Variants in TRMT6 observed in about 807,000 individuals in gnomAD.
TRMT6 encodes the protein tRNA methyltransferase 6 non-catalytic subunit, also known as tRNA (adenine(58)-N(1))-methyltransferase non-catalytic subunit TRM6.
A neutral mutation model predicts 59.0 loss-of-function variants in TRMT6; 34 were observed. The ratio of observed to expected loss-of-function variants is 0.58; its 90% CI spans 0.44 to 0.77. The LOEUF (loss-of-function observed/expected upper bound fraction) is 0.77, where lower values mean the gene tolerates loss of function less well. TRMT6 is among the 30% of genes least tolerant of loss of function. The pLI is 0.00. For missense variants in TRMT6, 575 were observed against 604.5 expected, an observed-to-expected ratio of 0.95 and a Z score of 0.51; for synonymous variants, 217 against 210.5, an observed-to-expected ratio of 1.03 and a Z score of -0.27.
At chr20:5,940,349 A>C (rs2088645401) in intron 10 of TRMT6, among the ~76,000 whole-genome samples, 1 of 152,182 alleles carries the variant, frequency 6.6e-6, no homozygotes, top group Admixed American at 6.5e-5. Context: ...TTGCTGCAAA[A>C]ACATCCTGGC....
chr20:5,948,684 A>C lies in TRMT6; in HGVS notation c.128+1594T>G, dbSNP rs544217588. On this transcript the variant is annotated intron_variant, in intron 1 of 10. Transcript: ENST00000203001. ...AGTGAAACTCTGTCTCTGCAAAAAA[A>C]ATTAATTAGTTTAAAAAAGAAAAAA... 7.2e-5 allele frequency among the ~76,000 whole-genome samples: 11 copies of C among 152,298 alleles called. No individual in the cohort carries two copies. In the South Asian group the frequency reaches 2.1e-3, roughly 29 times the overall value.
rs367964134 is a variant in TRMT6, at chr20:5,938,415, C to T, written c.*120G>A. On this transcript the variant is annotated 3_prime_UTR_variant, in exon 11 of 11. Transcript: ENST00000203001. ...GGCATATACTCCTCCTTCCTAGAAA[C>T]GGGTACATAGACATGTTCTTATTCT... 53 of 1,060,320 alleles carry T rather than the reference C, an allele frequency of 5.0e-5. No homozygotes were observed. Among genetic ancestry groups the T allele is most frequent in the African/African-American group, 9.5e-5 (6 of 62,948 alleles). The allele number at this position is 1,060,320 out of a possible 1,614,324, so 65.7% of individuals were successfully genotyped here. A position where few individuals can be genotyped will look rare whatever the true frequency, so the allele number is the denominator to read the frequency against.
At chr20:5,944,980 G>A (rs1568559646) in intron 2 of TRMT6, 66 bp from the exon 3 acceptor site, 1 of 1,295,858 alleles carries the variant, frequency 7.7e-7, no homozygotes, top group East Asian at 2.3e-5. Context: ...CTTTTTCTGA[G>A]TTCATATCCA....
chr20:5,944,968 TTC>T (rs1006375111), intron 2 of TRMT6, 54 bp from the exon 3 acceptor site: 1 of 1,437,810 alleles, frequency 7.0e-7, no homozygotes, highest in Non-Finnish European at 9.8e-7. Context: ...ATTTGACACT[TTC>T]TTTTTCTGAG....
chr20:5,938,589 G>A lies in TRMT6; in HGVS notation c.1440C>T (p.His480=), dbSNP rs201035404. 9.7e-5 allele frequency: 156 copies of A among 1,614,186 alleles called. 1 individual carries two copies. The highest frequency in any genetic ancestry group is 3.8e-4 in the South Asian group (35 of 91,088). Residue 480 remains histidine, a synonymous_variant, in exon 11 of 11, where the codon CAC becomes CAT. Coordinates refer to ENST00000203001, the MANE Select transcript of TRMT6 (RefSeq NM_015939.5). The part of the protein sequence containing the change: ...LKSNASTLES[H]ETEEPAAKKR... ...TTTTAGCTGCAGGCTCCTCAGTCTCGTGTGATTCTAAAGTGCTTGCATTAG... is the reference window on the plus strand; with the variant it reads ...TTTTAGCTGCAGGCTCCTCAGTCTCATGTGATTCTAAAGTGCTTGCATTAG...
intron 8 of TRMT6, 52 bp downstream of exon 8, chr20:5,941,899 A>C: frequency 6.9e-7 from 1 of 1,440,482 alleles, no homozygotes; most frequent in Non-Finnish European, 9.7e-7. Flanking sequence ...AATCTGTCTG[A>C]AGCAGAGCCC....
At chr20:5,945,276 G>T (rs1235965062) in intron 2 of TRMT6, among the ~76,000 whole-genome samples, 2 of 152,206 alleles carry the variant, frequency 1.3e-5, no homozygotes, top group East Asian at 3.8e-4. Flanking sequence ...TTCCTGGCCT[G>T]ATCTCTTGAC....
chr20:5,947,492 C>A (rs2088718117), intron 1 of TRMT6, among the ~76,000 whole-genome samples: 1 of 152,236 alleles, frequency 6.6e-6, no homozygotes, highest in African/African-American at 2.4e-5. Context: ...CTGGGTGTGT[C>A]ACCTTTATTG....
chr20:5,942,068 TGG>T, intron 7 of TRMT6, 32 bp from the exon 8 acceptor site: 1 of 1,568,950 alleles, frequency 6.4e-7, no homozygotes, highest in Non-Finnish European at 8.7e-7. Flanking sequence ...ATCAATGTAC[TGG>T]GGTCTTTCAG....
At chr20:5,941,922 G>T in intron 8 of TRMT6, 29 bp downstream of exon 8, 2 of 1,583,890 alleles carry the variant, frequency 1.3e-6, no homozygotes, top group Non-Finnish European at 1.7e-6. Flanking sequence ...ATGCACTGAG[G>T]AGTCTCCTGC....
chr20:5,946,870 T>A (rs915604201), intron 1 of TRMT6, among the ~76,000 whole-genome samples: 1 of 152,186 alleles, frequency 6.6e-6, no homozygotes, highest in Non-Finnish European at 1.5e-5. Flanking sequence ...ACACTGACAA[T>A]CTACACACTT....
rs1175406501 is a variant in TRMT6 at position 5,937,355 on chromosome 20, A to G, written c.*1180T>C. 6.6e-6 allele frequency: 1 copy of G among 152,232 alleles called. No homozygotes were observed. Among genetic ancestry groups the G allele is most frequent in the Non-Finnish European group, 1.5e-5 (1 of 68,048 alleles). 9.4% of individuals were successfully genotyped at this position (152,232 alleles called of 1,614,324 possible). On this transcript the variant is annotated 3_prime_UTR_variant, in exon 11 of 11. Transcript: ENST00000203001. ...TTTTTTCTGAGATGTTCCTTGCTGT[A>G]TGATACAGGCCTATTCTATGACAGG...
intron 10 of TRMT6, among the ~76,000 whole-genome samples, chr20:5,940,065 A>G (rs1470486043): frequency 6.6e-6 from 1 of 152,200 alleles, no homozygotes; most frequent in Non-Finnish European, 1.5e-5. Flanking sequence ...TCTGCTTAAC[A>G]CAGGGCTCCT....
intron 8 of TRMT6, 141 bp from the exon 9 acceptor site, chr20:5,941,486 C>T (rs2088655634): frequency 3.0e-6 from 2 of 667,820 alleles, no homozygotes; most frequent in Non-Finnish European, 5.1e-6. Context: ...TCTAGAAATC[C>T]AAAACAGAAT....
intron 7 of TRMT6, 38 bp downstream of exon 7, chr20:5,942,390 G>C (rs1277853470): frequency 3.2e-6 from 5 of 1,559,192 alleles, no homozygotes; most frequent in Non-Finnish European, 4.4e-6. Flanking sequence ...CTGAGGGACT[G>C]AGATTATGGG....
At position 5,942,697 on chromosome 20, in the gene TRMT6, C is replaced by A; in HGVS notation, c.757G>T (p.Gly253Cys). 1.2e-6 allele frequency: 2 copies of A among 1,614,056 alleles called. No individual in the cohort carries two copies. Among genetic ancestry groups the A allele is most frequent in the African/African-American group, 2.7e-5 (2 of 74,994 alleles). ...TTGTTGAGAGGGAATTCATAAAGAC[C>A]ACTGAGAAAAGATTTGGGAAATCCA... Reference protein sequence around the residue: ...CFGFPKSFLSGLYEFPLNKVD... With the variant: ...CFGFPKSFLSCLYEFPLNKVD... The change falls in exon 7 of 11, where the codon GGT becomes TGT. Residue 253 changes from glycine (G) to cysteine (C), a missense_variant. Transcript: ENST00000203001.
rs753088373 is a variant in TRMT6, at chr20:5,942,412, C to T, written c.1026+16G>A. 3.7e-6 allele frequency: 6 copies of T among 1,605,942 alleles called. No homozygotes were observed. In the East Asian group the frequency reaches 1.3e-4, roughly 36 times the overall value. ...ACTGAGATTATGGGGGTGGTGGGGA[C>T]TCTTGGCATCCTTACATAATCTTTT... On this transcript the variant is annotated intron_variant, in intron 7 of 10. Coordinates refer to ENST00000203001, the MANE Select transcript of TRMT6 (RefSeq NM_015939.5).
At chr20:5,939,591 C>T (rs2088639146) in intron 10 of TRMT6, among the ~76,000 whole-genome samples, 1 of 151,916 alleles carries the variant, frequency 6.6e-6, no homozygotes, top group Admixed American at 6.6e-5. Flanking sequence ...GGGTAATGGT[C>T]TTGGCAGTAC....
intron 1 of TRMT6, 88 bp from the exon 2 acceptor site, chr20:5,946,621 T>C: frequency 7.9e-7 from 1 of 1,269,090 alleles, no homozygotes; most frequent in Non-Finnish European, 1.1e-6. Flanking sequence ...TCAAAAGTGG[T>C]CTCCACAATG....
Sources: gnomAD v4.1 joint callset for allele counts (sites outside exome capture counted in the v4.1 genomes callset) on GRCh38, gnomAD v4.1.1 for gene constraint, MANE v1.5 for transcripts, NCBI Gene and HGNC (gene_info 2026-07-23, HGNC 2026-07-21) for gene names.